ROBO1: variants seen among roughly 807,000 people sequenced by gnomAD.
ROBO1 encodes the protein roundabout homolog 1.
ROBO1 carries 149 observed loss-of-function variants against 195.9 expected under a neutral mutation model. The ratio of observed to expected loss-of-function variants is 0.76; its 90% CI spans 0.67 to 0.87. The LOEUF (loss-of-function observed/expected upper bound fraction) is 0.87. ROBO1 is among the 40% of genes least tolerant of loss of function. The pLI is 0.00. For missense variants in ROBO1, 1,933 were observed against 2,068.3 expected (o/e 0.93, Z 1.27); for synonymous variants, 816 against 733.2 (o/e 1.11, Z -1.82).
intron 26 of ROBO1, among the ~76,000 whole-genome samples, chr3:78,624,302 C>G (rs1025790166): frequency 2.6e-5 from 4 of 151,970 alleles, no homozygotes; most frequent in Non-Finnish European, 4.4e-5. Flanking sequence ...TCAAAAATTT[C>G]TATAGTAAAC....
chr3:79,677,580 C>A (rs1355071583), intron 1 of ROBO1, among the ~76,000 whole-genome samples: 1 of 151,992 alleles, frequency 6.6e-6, no homozygotes, highest in African/African-American at 2.4e-5. Flanking sequence ...CCTAGTGGGT[C>A]TCCCCCACAA....
intron 3 of ROBO1, among the ~76,000 whole-genome samples, chr3:78,988,465 T>G (rs1405446299): frequency 6.6e-6 from 1 of 152,148 alleles, no homozygotes; most frequent in Non-Finnish European, 1.5e-5. Context: ...TGGTCTAACA[T>G]TTCCCTTAGA....
intron 3 of ROBO1, among the ~76,000 whole-genome samples, chr3:78,939,359 A>G (rs1197340917): frequency 6.6e-6 from 1 of 152,074 alleles, no homozygotes; most frequent in Non-Finnish European, 1.5e-5. Flanking sequence ...TCACGCCTGT[A>G]ATCCCAGCAC....
At chr3:79,071,740 G>A (rs2061173) in intron 3 of ROBO1, among the ~76,000 whole-genome samples, 21,824 of 143,924 alleles carry the variant, frequency 0.15, 1,717 homozygotes, top group Non-Finnish European at 0.17. Flanking sequence ...ACACACACAC[G>A]CACACACACA....
chr3:79,093,108 G>C (rs976438394), intron 3 of ROBO1, among the ~76,000 whole-genome samples: 3 of 152,090 alleles, frequency 2.0e-5, no homozygotes, highest in African/African-American at 7.2e-5. Flanking sequence ...TGAGAACTGA[G>C]TCCACTGAGC....
At chr3:78,781,625 AAT>A (rs2083680304) in intron 4 of ROBO1, among the ~76,000 whole-genome samples, 1 of 152,170 alleles carries the variant, frequency 6.6e-6, no homozygotes, top group Admixed American at 6.5e-5. Flanking sequence ...TAGATTCAGA[AAT>A]AATTGTTTTG....
chr3:79,583,508 G>A (rs1388585936), intron 2 of ROBO1, among the ~76,000 whole-genome samples: 1 of 151,682 alleles, frequency 6.6e-6, no homozygotes. Flanking sequence ...ATCTGAAAAA[G>A]ATATTTCTTC....
At chr3:79,400,134 A>G (rs2037309789) in intron 2 of ROBO1, among the ~76,000 whole-genome samples, 1 of 152,136 alleles carries the variant, frequency 6.6e-6, no homozygotes, top group Non-Finnish European at 1.5e-5. Context: ...CAGCCAAACT[A>G]TTAAATTAGA....
At chr3:79,698,119 A>G (rs1219318160) in intron 1 of ROBO1, among the ~76,000 whole-genome samples, 1 of 151,526 alleles carries the variant, frequency 6.6e-6, no homozygotes, top group Non-Finnish European at 1.5e-5. Context: ...ACTTTTTCTC[A>G]GTGATATACT....
At chr3:79,237,337 C>T (rs998052697) in intron 2 of ROBO1, among the ~76,000 whole-genome samples, 11 of 152,002 alleles carry the variant, frequency 7.2e-5, no homozygotes, top group African/African-American at 2.7e-4. Flanking sequence ...AAAAAATTAG[C>T]CAGGCGTGGT....
chr3:79,511,937 G>C (rs2107544234), intron 2 of ROBO1, among the ~76,000 whole-genome samples: 1 of 152,226 alleles, frequency 6.6e-6, no homozygotes, highest in Admixed American at 6.5e-5. Context: ...AAAGGTGAGA[G>C]GAGGGAGAGA....
chr3:79,564,081 C>G (rs1407644178), intron 2 of ROBO1, among the ~76,000 whole-genome samples: 10 of 150,338 alleles, frequency 6.7e-5, no homozygotes, highest in Admixed American at 6.0e-4. Flanking sequence ...GAAAAGACTC[C>G]AATTCCAAGA....
At chr3:78,646,289 T>G in intron 20 of ROBO1, 99 bp from the exon 21 acceptor site, 1 of 1,093,088 alleles carries the variant, frequency 9.1e-7, no homozygotes, top group Non-Finnish European at 1.4e-6. Flanking sequence ...GAATTCCTTC[T>G]GTCTTCCTAG....
At chr3:79,509,534 T>A (rs1005537980) in intron 2 of ROBO1, among the ~76,000 whole-genome samples, 111 of 152,202 alleles carry the variant, frequency 7.3e-4, no homozygotes, top group African/African-American at 2.6e-3. Context: ...TTTATCATTT[T>A]AAAAATATTT....
chr3:79,109,112 C>A (rs1576683308), intron 3 of ROBO1, among the ~76,000 whole-genome samples: 1 of 151,144 alleles, frequency 6.6e-6, no homozygotes, highest in Non-Finnish European at 1.5e-5. Context: ...TTTAAAATCC[C>A]AACACATCAA....
intron 2 of ROBO1, among the ~76,000 whole-genome samples, chr3:79,401,910 C>CT (rs1559873271): frequency 6.6e-6 from 1 of 151,822 alleles, no homozygotes; most frequent in Admixed American, 6.6e-5. Flanking sequence ...TTTAAGTGCT[C>CT]TTTCAAGTTA....
intron 1 of ROBO1, among the ~76,000 whole-genome samples, chr3:79,740,383 T>C (rs560752989): frequency 6.6e-6 from 1 of 151,920 alleles, no homozygotes; most frequent in African/African-American, 2.4e-5. Context: ...TGTTCTTTAT[T>C]GTTAATTTTT....
intron 3 of ROBO1, among the ~76,000 whole-genome samples, chr3:79,079,667 G>C (rs2079236126): frequency 6.6e-6 from 1 of 151,596 alleles, no homozygotes; most frequent in African/African-American, 2.4e-5. Context: ...ACCAGTGAAA[G>C]TAAACAAAAA....
chr3:79,069,938 T>C (rs2079059622), intron 3 of ROBO1, among the ~76,000 whole-genome samples: 1 of 151,808 alleles, frequency 6.6e-6, no homozygotes, highest in African/African-American at 2.4e-5. Flanking sequence ...TTTTTTTCCC[T>C]CCCTTTCTTA....
Sources: allele counts gnomAD v4.1 joint callset (sites outside exome capture counted in the v4.1 genomes callset), GRCh38; gene constraint gnomAD v4.1.1; transcripts MANE v1.5; gene names NCBI Gene and HGNC (gene_info 2026-07-23, HGNC 2026-07-21).